Variants in ELP4 observed in about 807,000 individuals in gnomAD.
ELP4 encodes elongator complex protein 4.
Under a neutral mutation model 48.9 loss-of-function variants are expected in ELP4, and 51 were observed. That is an observed-to-expected ratio of 1.04 (90% CI 0.83 to 1.32). ELP4 has a LOEUF of 1.32. Among genes scored for constraint, ELP4 ranks in the 40% most tolerant of loss-of-function variants. ELP4 has a pLI of 0.00. For synonymous variants in ELP4, 210 were observed against 189.2 expected (o/e 1.11, Z -0.90); for missense variants, 519 against 514.6 (o/e 1.01, Z -0.08).
chr11:31,737,171 A>G (rs560527549), intron 9 of ELP4, among the ~76,000 whole-genome samples: 1 of 152,338 alleles, frequency 6.6e-6, no homozygotes, highest in African/African-American at 2.4e-5. Flanking sequence ...CTTTGTAGAG[A>G]CATGGATGAA....
chr11:31,519,988 C>A, intron 1 of ELP4, 68 bp from the exon 2 acceptor site: 1 of 1,503,200 alleles, frequency 6.7e-7, no homozygotes, highest in South Asian at 1.2e-5. Flanking sequence ...CTTCATAAAG[C>A]CTAACTTTTA....
intron 9 of ELP4, among the ~76,000 whole-genome samples, chr11:31,667,319 A>G (rs1357317582): frequency 6.6e-6 from 1 of 152,144 alleles, no homozygotes; most frequent in East Asian, 1.9e-4. Flanking sequence ...AGTATTTTCT[A>G]TAATCTTATG....
At chr11:31,529,058 T>A in intron 2 of ELP4, among the ~76,000 whole-genome samples, 1 of 147,486 alleles carries the variant, frequency 6.8e-6, no homozygotes. Context: ...ATATATATAT[T>A]TGCAGTGAGT....
Position 31,510,027 on chromosome 11 carries a change from C to G in ELP4, c.223+20C>G, listed in dbSNP as rs1262025294. On this transcript the variant is annotated intron_variant, in intron 1 of 9. Coordinates refer to ENST00000640961, the MANE Select transcript of ELP4 (RefSeq NM_019040.5). ...TCTTAGGTCGGTTCAGAGCGGAGAT[C>G]TGGGCTCAGCCGAGGGGAAACTTAG... 5 of 1,599,150 alleles carry G rather than the reference C, an allele frequency of 3.1e-6. No individual in the cohort carries two copies. Among genetic ancestry groups the G allele is most frequent in the Non-Finnish European group, 3.4e-6 (4 of 1,171,166 alleles).
intron 9 of ELP4, among the ~76,000 whole-genome samples, chr11:31,732,622 G>A (rs767867442): frequency 6.6e-6 from 1 of 152,142 alleles, no homozygotes; most frequent in Non-Finnish European, 1.5e-5. Flanking sequence ...CAGAGTGGCT[G>A]AATGAGTTTT....
chr11:31,609,155 T>C lies in ELP4; in HGVS notation c.653+5248T>C, dbSNP rs1957929746. On this transcript the variant is annotated intron_variant, in intron 5 of 9. Transcript: ENST00000640961. ...ACATGCCCTCGCCCAGTGGCCTTCT[T>C]GGCTGCATTTAAAACAGGCCACAGA... 3.3e-5 allele frequency among the ~76,000 whole-genome samples: 5 copies of C among 152,278 alleles called. No individual in the cohort carries two copies. The South Asian group carries it at 1.0e-3, about 32-fold the overall frequency.
rs756935805 is a variant in ELP4, at chr11:31,632,424, T to C, written c.927+19T>C. The C allele has an allele frequency of 1.9e-6, 3 of 1,580,702 alleles. No homozygotes were observed. Among genetic ancestry groups the C allele is most frequent in the Admixed American group, 3.7e-5 (2 of 54,366 alleles). ...GATCCAGGTACGAAATTTCCAGAACTACTTTTTCATAATTCATAGTAATAT... is the reference window on the plus strand; with the variant it reads ...GATCCAGGTACGAAATTTCCAGAACCACTTTTTCATAATTCATAGTAATAT... On this transcript the variant is annotated intron_variant, in intron 7 of 9. Coordinates refer to ENST00000640961, the MANE Select transcript of ELP4 (RefSeq NM_019040.5).
At chr11:31,607,199 T>G (rs1957891594) in intron 5 of ELP4, among the ~76,000 whole-genome samples, 1 of 152,178 alleles carries the variant, frequency 6.6e-6, no homozygotes, top group Non-Finnish European at 1.5e-5. Flanking sequence ...TCCAGAACAA[T>G]GAGAAAATAA....
At chr11:31,539,232 A>G (rs1387302705) in intron 2 of ELP4, among the ~76,000 whole-genome samples, 1 of 152,184 alleles carries the variant, frequency 6.6e-6, no homozygotes, top group Non-Finnish European at 1.5e-5. Context: ...TGAGAGGCCA[A>G]GGCGGGCAGA....
chr11:31,736,449 T>C (rs954033664), intron 9 of ELP4, among the ~76,000 whole-genome samples: 2 of 152,044 alleles, frequency 1.3e-5, no homozygotes, highest in Admixed American at 6.6e-5. Flanking sequence ...CCAAAAGCAA[T>C]GGCAACAAAA....
At chr11:31,553,172 C>A (rs1207220910) in intron 3 of ELP4, among the ~76,000 whole-genome samples, 1 of 152,144 alleles carries the variant, frequency 6.6e-6, no homozygotes. Context: ...TTCTTCCGTA[C>A]AAGTCTTTTC....
At chr11:31,547,301 G>T (rs905360529) in intron 3 of ELP4, among the ~76,000 whole-genome samples, 1 of 151,832 alleles carries the variant, frequency 6.6e-6, no homozygotes, top group Non-Finnish European at 1.5e-5. Context: ...TGATAAAGGG[G>T]ATATCACCAC....
chr11:31,527,262 C>T (rs1000346654), intron 2 of ELP4, among the ~76,000 whole-genome samples: 2 of 151,990 alleles, frequency 1.3e-5, no homozygotes, highest in Non-Finnish European at 2.9e-5. Flanking sequence ...TCTAGTGCTA[C>T]ATATTCTCCT....
chr11:31,723,178 A>G (rs143629915), intron 9 of ELP4, among the ~76,000 whole-genome samples: 1 of 152,204 alleles, frequency 6.6e-6, no homozygotes, highest in Non-Finnish European at 1.5e-5. Flanking sequence ...CTAGGCCCTG[A>G]ATGAGGCAGA....
chr11:31,748,075 C>CTGAAGATAA (rs1947636318), intron 9 of ELP4, among the ~76,000 whole-genome samples: 1 of 152,112 alleles, frequency 6.6e-6, no homozygotes, highest in African/African-American at 2.4e-5. Flanking sequence ...ATTACAGTTT[C>CTGAAGATAA]TTTTAGAGAT....
intron 9 of ELP4, among the ~76,000 whole-genome samples, chr11:31,781,842 T>A (rs1379988091): frequency 6.6e-6 from 1 of 152,290 alleles, no homozygotes; most frequent in Middle Eastern, 3.4e-3. Flanking sequence ...AAATCTTTCC[T>A]GGAACAAACT....
intron 3 of ELP4, among the ~76,000 whole-genome samples, chr11:31,589,839 C>A (rs997939727): frequency 1.3e-5 from 2 of 152,162 alleles, no homozygotes; most frequent in African/African-American, 4.8e-5. Context: ...CAAAAAACAT[C>A]TTTATCAGTG....
chr11:31,529,920 G>T (rs1033244171), intron 2 of ELP4, among the ~76,000 whole-genome samples: 4 of 152,156 alleles, frequency 2.6e-5, no homozygotes, highest in Non-Finnish European at 5.9e-5. Context: ...ATTTTAGAGG[G>T]TATAAGCAGC....
intron 3 of ELP4, among the ~76,000 whole-genome samples, chr11:31,544,224 G>T (rs1592100089): frequency 6.6e-6 from 1 of 152,386 alleles, no homozygotes; most frequent in East Asian, 1.9e-4. Context: ...AGCGCAAAGG[G>T]TCAGGGAGTT....
Sources: gnomAD v4.1 joint callset for allele counts (sites outside exome capture counted in the v4.1 genomes callset) on GRCh38, gnomAD v4.1.1 for gene constraint, MANE v1.5 for transcripts, NCBI Gene and HGNC (gene_info 2026-07-23, HGNC 2026-07-21) for gene names.